Variants in METTL24 observed in about 807,000 individuals in gnomAD.
The protein encoded by METTL24 is methyltransferase like 24, also known as probable methyltransferase-like protein 24.
Under a neutral mutation model 32.7 loss-of-function variants are expected in METTL24, and 29 were observed. The observed-to-expected ratio is 0.89, with a 90% CI of 0.66 to 1.21. METTL24 has a LOEUF of 1.21. METTL24 is among the 50% of genes most tolerant of loss of function. The pLI, the probability that METTL24 is intolerant of heterozygous loss-of-function variation, is 0.00. For missense variants in METTL24, 439 were observed against 468.1 expected (o/e 0.94, Z 0.57); for synonymous variants, 163 against 179.5 (o/e 0.91, Z 0.73).
At position 110,270,902 on chromosome 6, in the gene METTL24, A is replaced by G. The variant is rs1034379600; in HGVS notation, c.787-24642T>C. Among the ~76,000 whole-genome samples the G allele has an allele frequency of 4.9e-5, 7 of 143,904 alleles. No individual in the cohort carries two copies. In the South Asian group the frequency reaches 1.5e-3, roughly 31 times the overall value. The allele number at this position is 143,904 out of a possible 152,430, so 94.4% of individuals were successfully genotyped here. A position where few individuals can be genotyped will look rare whatever the true frequency, so the allele number is the denominator to read the frequency against. On this transcript the variant is annotated intron_variant, in intron 4 of 4. Transcript: ENST00000338882. ...GCCCAGGCTGGAGTGCAGTGGCATGATCTTGACTCACTACAACCTCTACCT... is the reference window on the plus strand; with the variant it reads ...GCCCAGGCTGGAGTGCAGTGGCATGGTCTTGACTCACTACAACCTCTACCT...
chr6:110,299,065 C>A lies in METTL24; in HGVS notation c.643G>T (p.Ala215Ser), dbSNP rs773031116. 1.9e-6 allele frequency: 3 copies of A among 1,614,204 alleles called. No individual in the cohort carries two copies. Among genetic ancestry groups the A allele is most frequent in the Non-Finnish European group, 2.5e-6 (3 of 1,180,028 alleles). The part of the protein sequence containing the change: ...VHRFDPSVKS[A>S]HILESQHLWY... The stretch of plus-strand genomic sequence containing the variant: ...AGGTGCTGACTCTCCAGAATGTGAG[C>A]TGACTTGACACTAGGATCAAAACGA... The change falls in exon 4 of 5, where the codon GCT becomes TCT. Residue 215 changes from alanine to serine, a missense_variant. Transcript: ENST00000338882.
At chr6:110,352,762 G>A in intron 1 of METTL24, among the ~76,000 whole-genome samples, 1 of 152,072 alleles carries the variant, frequency 6.6e-6, no homozygotes, top group East Asian at 1.9e-4. Flanking sequence ...ACGAACCACA[G>A]AACAAAGCAT....
At chr6:110,315,234 T>C in intron 3 of METTL24, 108 bp downstream of exon 3, 1 of 1,279,902 alleles carries the variant, frequency 7.8e-7, no homozygotes, top group Non-Finnish European at 1.1e-6. Context: ...AGGCAAAGCA[T>C]GGCACCTGTT....
intron 4 of METTL24, among the ~76,000 whole-genome samples, chr6:110,279,770 C>T (rs1771106500): frequency 6.6e-6 from 1 of 152,168 alleles, no homozygotes; most frequent in South Asian, 2.1e-4. Context: ...GACCCAAAGA[C>T]ACCCCTTAAC....
Position 110,245,109 on chromosome 6 carries a change from T to G in METTL24, c.*837A>C, listed in dbSNP as rs1778128498. On this transcript the variant is annotated 3_prime_UTR_variant, in exon 5 of 5. Coordinates refer to ENST00000338882, the MANE Select transcript of METTL24 (RefSeq NM_001123364.3). ...TTAGTTAAACATTATTCTAGGTGTA[T>G]CTGTAAGGATATTTCCAGATGAAAT... is the stretch of plus-strand genomic sequence containing the variant. 6.6e-6 allele frequency among the ~76,000 whole-genome samples: 1 copy of G among 152,198 alleles called. No individual in the cohort carries two copies. The highest frequency in any genetic ancestry group is 2.1e-4 in the South Asian group (1 of 4,826).
rs149477830 is a variant in METTL24 at position 110,313,490 on chromosome 6, T to C, written c.557+1852A>G. Reference sequence around the variant, plus strand: ...GAAAGCAAAAAGGAATTTAGAAACTTTCCCCCCAAACAGCTTTTTAAGTTT... The same window carrying C: ...GAAAGCAAAAAGGAATTTAGAAACTCTCCCCCCAAACAGCTTTTTAAGTTT... On this transcript the variant is annotated intron_variant, in intron 3 of 4. Transcript: ENST00000338882. Among the ~76,000 whole-genome samples, 1,318 of 152,238 alleles carry C rather than the reference T, an allele frequency of 8.7e-3. 26 individuals carry two copies. The highest frequency in any genetic ancestry group is 0.03 in the African/African-American group (1,260 of 41,506).
At chr6:110,307,201 G>C (rs866221836) in intron 3 of METTL24, among the ~76,000 whole-genome samples, 1 of 152,180 alleles carries the variant, frequency 6.6e-6, no homozygotes, top group Non-Finnish European at 1.5e-5. Context: ...CATGTGCAAG[G>C]CACTACACTG....
Position 110,246,234 on chromosome 6 carries a change from T to C in METTL24, c.813A>G (p.Glu271=), listed in dbSNP as rs993885722. The change falls in exon 5 of 5, where the codon GAA becomes GAG. Residue 271 remains glutamate (E), a synonymous_variant. Transcript: ENST00000338882. ...HKIDVLKADL[E]SAEWKVLENL... Reference sequence around the variant, plus strand: ...TTTCCAAAACTTTCCATTCTGCACTTTCCAGATCTGCCTTGAGAACGTCAA... The same window carrying C: ...TTTCCAAAACTTTCCATTCTGCACTCTCCAGATCTGCCTTGAGAACGTCAA... The C allele has an allele frequency of 4.3e-6, 7 of 1,612,156 alleles. No homozygotes were observed. The African/African-American group carries it at 8.0e-5, about 18-fold the overall frequency.
intron 2 of METTL24, among the ~76,000 whole-genome samples, chr6:110,317,815 C>G (rs1454216113): frequency 6.6e-6 from 1 of 152,088 alleles, no homozygotes; most frequent in Non-Finnish European, 1.5e-5. Context: ...CTGGGAGGTA[C>G]TTAAAATGCA....
intron 1 of METTL24, among the ~76,000 whole-genome samples, chr6:110,347,004 A>T (rs1772489661): frequency 6.6e-6 from 1 of 151,482 alleles, no homozygotes; most frequent in East Asian, 1.9e-4. Context: ...TTTCTTTTTC[A>T]CTTTGATGGC....
intron 4 of METTL24, among the ~76,000 whole-genome samples, chr6:110,264,879 A>C (rs1404598212): frequency 6.6e-6 from 1 of 152,016 alleles, no homozygotes; most frequent in Non-Finnish European, 1.5e-5. Flanking sequence ...AGGACAAAAA[A>C]CCAAACACCA....
chr6:110,254,027 C>T, intron 4 of METTL24: 1 of 1,197,984 alleles, frequency 8.3e-7, no homozygotes, highest in South Asian at 3.7e-5. Context: ...GAATCCCTCA[C>T]AAATTTGCAT....
At chr6:110,347,170 T>C (rs1029076820) in intron 1 of METTL24, among the ~76,000 whole-genome samples, 10 of 152,336 alleles carry the variant, frequency 6.6e-5, no homozygotes, top group Admixed American at 5.9e-4. Context: ...TGAGAATTGG[T>C]TGTTAGCTCC....
intron 4 of METTL24, among the ~76,000 whole-genome samples, chr6:110,252,715 G>A (rs1243463676): frequency 2.0e-5 from 3 of 152,110 alleles, no homozygotes; most frequent in Non-Finnish European, 4.4e-5. Context: ...TTAATTGGAG[G>A]TGAGTCACAG....
chr6:110,332,918 A>G (rs1328883187), intron 1 of METTL24, among the ~76,000 whole-genome samples: 1 of 152,062 alleles, frequency 6.6e-6, no homozygotes, highest in Non-Finnish European at 1.5e-5. Context: ...CGAAAAAAAA[A>G]AAAAAGCAAG....
intron 4 of METTL24, among the ~76,000 whole-genome samples, chr6:110,263,316 T>C (rs1770785284): frequency 6.6e-6 from 1 of 152,146 alleles, no homozygotes; most frequent in Non-Finnish European, 1.5e-5. Flanking sequence ...AGCATTCTTA[T>C]ACACCAATAA....
At chr6:110,332,239 G>A (rs1040361400) in intron 1 of METTL24, among the ~76,000 whole-genome samples, 10 of 152,334 alleles carry the variant, frequency 6.6e-5, no homozygotes, top group African/African-American at 2.4e-4. Flanking sequence ...AAGTTATTTT[G>A]ATAAGTTGGA....
At chr6:110,254,611 A>C (rs1447771530) in intron 4 of METTL24, among the ~76,000 whole-genome samples, 1 of 152,174 alleles carries the variant, frequency 6.6e-6, no homozygotes, top group Non-Finnish European at 1.5e-5. Context: ...CAGCCTGGGT[A>C]GCGGAGCAAG....
intron 3 of METTL24, among the ~76,000 whole-genome samples, chr6:110,313,115 G>C (rs1011962452): frequency 3.3e-5 from 5 of 152,210 alleles, no homozygotes; most frequent in African/African-American, 9.6e-5. Context: ...TGCCTCCAGA[G>C]CCTATTTTCC....
Sources: allele counts gnomAD v4.1 joint callset (sites outside exome capture counted in the v4.1 genomes callset), GRCh38; gene constraint gnomAD v4.1.1; transcripts MANE v1.5; gene names NCBI Gene and HGNC (gene_info 2026-07-23, HGNC 2026-07-21).